The following GLIS3 variants were observed in gnomAD, a reference collection of about 807,000 sequenced individuals.
GLIS3 encodes zinc finger protein GLIS3.
A neutral mutation model predicts 78.6 loss-of-function variants in GLIS3; 53 were observed. The observed-to-expected ratio is 0.67, with a 90% CI of 0.54 to 0.85. GLIS3 has a LOEUF of 0.85. Among genes scored for constraint, GLIS3 ranks in the 40% least tolerant of loss-of-function variants. GLIS3 has a pLI of 0.00. For missense variants in GLIS3, 1,703 were observed against 1,231.1 expected (o/e 1.38, Z -5.74); for synonymous variants, 684 against 509.9 (o/e 1.34, Z -4.60).
chr9:4,264,181 C>G (rs186602721), intron 2 of GLIS3, among the ~76,000 whole-genome samples: 1 of 152,200 alleles, frequency 6.6e-6, no homozygotes, highest in Admixed American at 6.5e-5. Context: ...TTGCCATTCA[C>G]TACATGTTCA....
At chr9:4,382,124 A>T in the GLIS3 span, among the ~76,000 whole-genome samples, 3 of 152,158 alleles carry the variant, frequency 2.0e-5, no homozygotes, top group Non-Finnish European at 4.4e-5. Context: ...ATCTGTTCCA[A>T]TGCCCGTAAT....
the GLIS3 span, among the ~76,000 whole-genome samples, chr9:4,401,395 G>A: frequency 6.7e-6 from 1 of 148,644 alleles, no homozygotes; most frequent in East Asian, 2.0e-4. Context: ...GATTAGCTGG[G>A]GTTACAGGCT....
intron 2 of GLIS3, among the ~76,000 whole-genome samples, chr9:4,329,255 G>A (rs1193000129): frequency 6.6e-6 from 1 of 152,146 alleles, no homozygotes; most frequent in African/African-American, 2.4e-5. Flanking sequence ...ATGTTGACCA[G>A]CTAGGGGAAA....
chr9:4,320,328 G>C (rs1817505590), intron 2 of GLIS3, among the ~76,000 whole-genome samples: 1 of 152,120 alleles, frequency 6.6e-6, no homozygotes, highest in Admixed American at 6.5e-5. Context: ...AGGAAAGTAA[G>C]ACCATCACCT....
chr9:3,980,830 T>C (rs567236454), intron 4 of GLIS3, among the ~76,000 whole-genome samples: 1 of 152,314 alleles, frequency 6.6e-6, no homozygotes, highest in South Asian at 2.1e-4. Flanking sequence ...TTCTTCTTCT[T>C]CTTTTTTTCT....
At chr9:3,958,231 A>T (rs994355460) in intron 4 of GLIS3, among the ~76,000 whole-genome samples, 5 of 152,174 alleles carry the variant, frequency 3.3e-5, no homozygotes, top group African/African-American at 1.2e-4. Flanking sequence ...TTCCTCCCAC[A>T]TGTATAATAA....
intron 2 of GLIS3, among the ~76,000 whole-genome samples, chr9:4,153,229 C>T (rs1428881589): frequency 1.3e-5 from 2 of 152,150 alleles, no homozygotes; most frequent in African/African-American, 4.8e-5. Context: ...TGAATTCTAA[C>T]TTGGAAGAAT....
At chr9:4,011,948 T>A (rs1362545573) in intron 4 of GLIS3, among the ~76,000 whole-genome samples, 1 of 152,112 alleles carries the variant, frequency 6.6e-6, no homozygotes, top group Non-Finnish European at 1.5e-5. Flanking sequence ...AACGATTACT[T>A]TTGGCATCAG....
intron 7 of GLIS3, among the ~76,000 whole-genome samples, chr9:3,880,658 T>C (rs1821667421): frequency 6.6e-6 from 1 of 152,128 alleles, no homozygotes; most frequent in African/African-American, 2.4e-5. Context: ...GATTTGAGGG[T>C]TTAAAAGTTC....
intron 2 of GLIS3, among the ~76,000 whole-genome samples, chr9:4,199,278 G>A (rs373326734): frequency 6.6e-6 from 1 of 152,048 alleles, no homozygotes; most frequent in South Asian, 2.1e-4. Flanking sequence ...CAAGTTGGAT[G>A]AAAAACGAGA....
chr9:3,916,263 A>G (rs657077), intron 6 of GLIS3, among the ~76,000 whole-genome samples: 114,796 of 152,112 alleles, frequency 0.75, 43,626 homozygotes, highest in Non-Finnish European at 0.8. Context: ...ATTTTTCCCT[A>G]GCATCACGAA....
intron 7 of GLIS3, among the ~76,000 whole-genome samples, chr9:3,882,049 C>A (rs562061768): frequency 1.3e-5 from 2 of 152,290 alleles, no homozygotes; most frequent in South Asian, 2.1e-4. Flanking sequence ...TAACTGTGTT[C>A]TTTTTATTCT....
At chr9:4,362,678 T>C in the GLIS3 span, among the ~76,000 whole-genome samples, 39 of 152,178 alleles carry the variant, frequency 2.6e-4, no homozygotes, top group Admixed American at 3.3e-4. Context: ...AAAAACATTT[T>C]TGCACCCTCA....
At chr9:4,356,641 A>G in the GLIS3 span, among the ~76,000 whole-genome samples, 2 of 152,378 alleles carry the variant, frequency 1.3e-5, no homozygotes, top group South Asian at 4.1e-4. Context: ...CAGATTCAAC[A>G]GAGTGCATCA....
chr9:4,177,376 G>A (rs1172231575), intron 2 of GLIS3, among the ~76,000 whole-genome samples: 2 of 152,164 alleles, frequency 1.3e-5, no homozygotes, highest in African/African-American at 4.8e-5. Flanking sequence ...CCATTAACTA[G>A]TTAGAACACT....
intron 2 of GLIS3, among the ~76,000 whole-genome samples, chr9:4,144,058 G>C (rs1362780930): frequency 6.6e-6 from 1 of 152,146 alleles, no homozygotes; most frequent in Admixed American, 6.5e-5. Flanking sequence ...GCATGGTTTG[G>C]GGGAGGGTGG....
intron 2 of GLIS3, among the ~76,000 whole-genome samples, chr9:4,313,239 G>A (rs191640590): frequency 9.2e-5 from 14 of 152,222 alleles, no homozygotes; most frequent in Non-Finnish European, 1.6e-4. Flanking sequence ...AGCTTCCTCC[G>A]CACAGCTCCA....
intron 2 of GLIS3, among the ~76,000 whole-genome samples, chr9:4,250,402 G>C (rs199809289): frequency 2.0e-5 from 3 of 152,114 alleles, no homozygotes; most frequent in African/African-American, 7.2e-5. Context: ...TTTATTTGCA[G>C]AGAGGTGTTT....
At chr9:4,113,295 T>C (rs920157106) in intron 4 of GLIS3, among the ~76,000 whole-genome samples, 8 of 152,106 alleles carry the variant, frequency 5.3e-5, no homozygotes, top group African/African-American at 1.9e-4. Context: ...ACAAAAGCAA[T>C]AAACACCTTT....
Sources: gnomAD v4.1 joint callset for allele counts (sites outside exome capture counted in the v4.1 genomes callset) on GRCh38, gnomAD v4.1.1 for gene constraint, MANE v1.5 for transcripts, NCBI Gene and HGNC (gene_info 2026-07-23, HGNC 2026-07-21) for gene names.